NF1: variants seen among roughly 807,000 people sequenced by gnomAD.
NF1 encodes the protein neurofibromin.
A neutral mutation model predicts 325.7 loss-of-function variants in NF1; 122 were observed. The observed-to-expected ratio is 0.37, with a 90% CI of 0.32 to 0.44. The LOEUF is 0.44. NF1 is among the 20% of genes least tolerant of loss of function. The probability of loss-of-function intolerance (pLI) is 1.00; values close to 1 mark genes in which losing one functional copy is unlikely to be tolerated. For synonymous variants in NF1, 1,091 were observed against 1,186.0 expected, an observed-to-expected ratio of 0.92 and a Z score of 1.65; for missense variants, 2,140 against 3,415.4, an observed-to-expected ratio of 0.63 and a Z score of 9.31.
At chr17:31,235,575 A>C (rs2067184633) in intron 27 of NF1, 36 bp from the exon 28 acceptor site, 8 of 1,612,416 alleles carry the variant, frequency 5.0e-6, no homozygotes, top group Non-Finnish European at 6.8e-6. Flanking sequence ...TAAAAATGGG[A>C]TTGTTTGCAC....
chr17:31,190,845 G>A (rs2066329423), intron 8 of NF1, among the ~76,000 whole-genome samples: 2 of 152,166 alleles, frequency 1.3e-5, no homozygotes, highest in Non-Finnish European at 2.9e-5. Context: ...GTCAGGATTA[G>A]CTGTTGTTAA....
intron 14 of NF1, among the ~76,000 whole-genome samples, chr17:31,220,078 C>A (rs983317408): frequency 2.0e-5 from 3 of 152,082 alleles, no homozygotes; most frequent in African/African-American, 7.2e-5. Context: ...ACTGCTAAGT[C>A]GTGTGGTAAC....
chr17:31,257,138 C>G (rs1439166455), intron 31 of NF1, among the ~76,000 whole-genome samples: 1 of 151,896 alleles, frequency 6.6e-6, no homozygotes, highest in East Asian at 1.9e-4. Context: ...TAAATTATGA[C>G]AGGAAATATT....
intron 14 of NF1, 110 bp from the exon 15 acceptor site, chr17:31,221,740 T>G: frequency 1.3e-6 from 1 of 772,070 alleles, no homozygotes; most frequent in South Asian, 1.5e-5. Flanking sequence ...AAACTACAAA[T>G]GAAAGAGCTC....
At chr17:31,187,605 C>T (rs2066264943) in intron 8 of NF1, among the ~76,000 whole-genome samples, 1 of 152,172 alleles carries the variant, frequency 6.6e-6, no homozygotes, top group African/African-American at 2.4e-5. Flanking sequence ...CAGTACTTTG[C>T]AGGGCTGGAG....
Position 31,233,034 on chromosome 17 carries a change from G to A in NF1, c.3529G>A (p.Ala1177Thr), listed in dbSNP as rs2151435337. 1 of 1,614,214 alleles carries A rather than the reference G, an allele frequency of 6.2e-7. No individual in the cohort carries two copies. The highest frequency in any genetic ancestry group is 8.5e-7 in the Non-Finnish European group (1 of 1,180,038). The change falls in exon 27 of 58, where the codon GCT becomes ACT. Residue 1177 changes from alanine to threonine, a missense_variant. Ala to Thr is a moderately conservative substitution (Grantham distance 58, BLOSUM62 0). Around this residue, in one of 10 missense-constraint regions of NF1, gnomAD observed 2 missense variants for 20.4 expected, o/e 0.10. Coordinates refer to ENST00000358273, the MANE Select transcript of NF1 (RefSeq NM_001042492.3). ...TTACCACAAGGATCTCCAGACAAGA[G>A]CTACATTTATGGAAGTTCTGACAAA... ...LGYHKDLQTRATFMEVLTKIL... is the reference protein window; with the variant it reads ...LGYHKDLQTRTTFMEVLTKIL...
intron 1 of NF1, among the ~76,000 whole-genome samples, chr17:31,117,295 TATTA>T (rs1207247997): frequency 1.3e-5 from 2 of 152,080 alleles, no homozygotes; most frequent in Non-Finnish European, 1.5e-5. Context: ...AAACCGTTTT[TATTA>T]ATTATATTCT....
intron 1 of NF1, among the ~76,000 whole-genome samples, chr17:31,129,517 C>T (rs1201593902): frequency 6.8e-6 from 1 of 146,890 alleles, no homozygotes; most frequent in Non-Finnish European, 1.5e-5. Context: ...GCAACCTCTG[C>T]TTCCTGGGTT....
chr17:31,322,085 G>A (rs2069209168), intron 36 of NF1, among the ~76,000 whole-genome samples: 1 of 83,900 alleles, frequency 1.2e-5, no homozygotes, highest in South Asian at 4.8e-4. Flanking sequence ...GTGTGGTGTA[G>A]TGTGTGTATA....
Position 31,226,527 on chromosome 17 carries a change from T to C in NF1, c.2094T>C (p.Pro698=), listed in dbSNP as rs1555613798. ...EVALYMFLWN[P]DTEAVLVAMS... ...CCCTGTACATGTTTCTGTGGAACCCTGACACTGAAGCTGTTCTGGTTGCCA... is the reference window on the plus strand; with the variant it reads ...CCCTGTACATGTTTCTGTGGAACCCCGACACTGAAGCTGTTCTGGTTGCCA... Residue 698 remains proline, a synonymous_variant, in exon 18 of 58, where the codon CCT becomes CCC. Coordinates refer to ENST00000358273, the MANE Select transcript of NF1 (RefSeq NM_001042492.3). 3.7e-6 allele frequency: 6 copies of C among 1,613,936 alleles called. No homozygotes were observed. The highest frequency in any genetic ancestry group is 5.1e-6 in the Non-Finnish European group (6 of 1,179,824).
intron 1 of NF1, among the ~76,000 whole-genome samples, chr17:31,130,065 G>T (rs1915226322): frequency 6.7e-6 from 1 of 148,220 alleles, no homozygotes; most frequent in Admixed American, 6.7e-5. Context: ...TTCAGTCTTT[G>T]AAGTCGCTGT....
In NF1 at chr17:31,163,364, G is replaced by A. The variant is rs754096545; in HGVS notation, c.467G>A (p.Arg156His). ...SCNNFNAVFS[R>H]ISTRLQELTV... is the part of the protein sequence containing the mutation. ...AACAACTTCAATGCAGTCTTTAGTCGCATTTCTACCAGGTTAGTGTGTAAA... is the reference window on the plus strand; with the variant it reads ...AACAACTTCAATGCAGTCTTTAGTCACATTTCTACCAGGTTAGTGTGTAAA... Residue 156 changes from arginine to histidine, a missense_variant, in exon 4 of 58, where the codon CGC becomes CAC. By Grantham distance (29) the Arg-to-His change is conservative (BLOSUM62 0). Transcript: ENST00000358273. 3.1e-6 allele frequency: 5 copies of A among 1,613,846 alleles called. No individual in the cohort carries two copies. The highest frequency in any genetic ancestry group is 2.5e-6 in the Non-Finnish European group (3 of 1,179,948).
At chr17:31,353,358 G>A (rs1333914316) in intron 51 of NF1, among the ~76,000 whole-genome samples, 1 of 152,218 alleles carries the variant, frequency 6.6e-6, no homozygotes, top group Non-Finnish European at 1.5e-5. Flanking sequence ...TAGGCCAGGT[G>A]CAGTGGCTCA....
chr17:31,348,933 T>G (rs1471060016), intron 48 of NF1, among the ~76,000 whole-genome samples, 187 bp from the exon 49 acceptor site: 1 of 152,176 alleles, frequency 6.6e-6, no homozygotes, highest in African/African-American at 2.4e-5. Flanking sequence ...GTACTTAATC[T>G]TATACATAAT....
intron 36 of NF1, among the ~76,000 whole-genome samples, chr17:31,267,319 A>G (rs1246890079): frequency 6.6e-6 from 1 of 151,964 alleles, no homozygotes; most frequent in Non-Finnish European, 1.5e-5. Context: ...AAAACTGTCT[A>G]CCTCTCCTAT....
Position 31,265,532 on chromosome 17 carries a change from T to C in NF1, c.4835+193T>C, listed in dbSNP as rs7221954. Among the ~76,000 whole-genome samples, 16,972 of 151,514 alleles carry C rather than the reference T, an allele frequency of 0.11. 2,565 individuals carry two copies. The highest frequency in any genetic ancestry group is 0.35 in the African/African-American group (14,186 of 41,076). On this transcript the variant is annotated intron_variant, in intron 36 of 57. Transcript: ENST00000358273. ...GGTATCTAGTAGCTGCTTTTCATAC[T>C]ACCCATTTCATATTGCTTACTCTGT...
At chr17:31,102,134 GCA>G (rs1307648639) in intron 1 of NF1, among the ~76,000 whole-genome samples, 2 of 152,168 alleles carry the variant, frequency 1.3e-5, no homozygotes, top group African/African-American at 4.8e-5. Context: ...AAGAAAATTA[GCA>G]TAAAGAAGGA....
intron 20 of NF1, 28 bp from the exon 21 acceptor site, chr17:31,228,997 A>G (rs1369548395): frequency 1.0e-5 from 16 of 1,576,200 alleles, no homozygotes; most frequent in Non-Finnish European, 1.4e-5. Flanking sequence ...GGTTTAATTC[A>G]TGCTTTGCAC....
rs775451791 is a variant in NF1, at chr17:31,334,826, A to AT, written c.5813-5dup. The AT allele has an allele frequency of 3.1e-6, 5 of 1,604,710 alleles. No homozygotes were observed. Among genetic ancestry groups the AT allele is most frequent in the South Asian group, 1.1e-5 (1 of 90,858 alleles). ...ATTGACCATCACATGCTAATAGTGT[A>AT]TTTTTTTCCAGGTATTGAATTGAAA... On this transcript the variant is annotated splice_polypyrimidine_tract_variant and intron_variant, in intron 39 of 57. Coordinates refer to ENST00000358273, the MANE Select transcript of NF1 (RefSeq NM_001042492.3).
Sources: gnomAD v4.1 joint callset for allele counts (sites outside exome capture counted in the v4.1 genomes callset) on GRCh38, gnomAD v4.1.1 for gene constraint, gnomAD v4.1.1 regional missense constraint, MANE v1.5 for transcripts, NCBI Gene and HGNC (gene_info 2026-07-23, HGNC 2026-07-21) for gene names.